ANKS1B: variants seen among roughly 807,000 people sequenced by gnomAD.
ANKS1B encodes ankyrin repeat and sterile alpha motif domain containing 1B.
ANKS1B carries 36 observed loss-of-function variants against 148.3 expected under a neutral mutation model. The ratio of observed to expected loss-of-function variants is 0.24; its 90% CI spans 0.19 to 0.32. The LOEUF is 0.32. Among genes scored for constraint, ANKS1B ranks in the 10% least tolerant of loss-of-function variants. The pLI, the probability that ANKS1B is intolerant of heterozygous loss-of-function variation, is 1.00. For synonymous variants in ANKS1B, 542 were observed against 560.8 expected (o/e 0.97, Z 0.47); for missense variants, 1,157 against 1,542.6 (o/e 0.75, Z 4.19).
At position 98,895,094 on chromosome 12, in the gene ANKS1B, G is replaced by C. The variant is rs563697871; in HGVS notation, c.2779-62958C>G. The C allele has an allele frequency of 9.1e-4, 883 of 971,648 alleles. 4 individuals are homozygous for C. In the African/African-American group the frequency reaches 0.011, roughly 13 times the overall value. 60.2% of individuals were successfully genotyped at this position (971,648 alleles called of 1,614,324 possible). On this transcript the variant is annotated intron_variant, in intron 17 of 26. Transcript: ENST00000683438. Reference sequence around the variant, plus strand: ...TGCTGCCCGGGGTGGGCGGCGAGGCGGGGGGGAGGTGTCGGCTTGGCCGCC... The same window carrying C: ...TGCTGCCCGGGGTGGGCGGCGAGGCCGGGGGGAGGTGTCGGCTTGGCCGCC...
rs181951147 is a variant in ANKS1B, at chr12:99,592,052, T to G, written c.1272+63015A>C. Reference sequence around the variant, plus strand: ...CAAATGTACTGAAAATTGGTTCACATTTCCAAAGAAACTCTGTGAATAAGT... The same window carrying G: ...CAAATGTACTGAAAATTGGTTCACAGTTCCAAAGAAACTCTGTGAATAAGT... On this transcript the variant is annotated intron_variant, in intron 9 of 26. Coordinates refer to ENST00000683438, the MANE Select transcript of ANKS1B (RefSeq NM_001352186.2). Among the ~76,000 whole-genome samples the G allele has an allele frequency of 5.9e-5, 9 of 152,306 alleles. No homozygotes were observed. In the East Asian group the frequency reaches 1.7e-3, roughly 29 times the overall value.
rs35287842 is a variant in ANKS1B, at chr12:99,950,113, A to ATTTTTTTTTTTTTTTTTT, written c.134+33973_134+33990dup. Among the ~76,000 whole-genome samples the ATTTTTTTTTTTTTTTTTT allele has an allele frequency of 1.8e-4, 16 of 90,544 alleles. 1 individual carries two copies. Among genetic ancestry groups the ATTTTTTTTTTTTTTTTTT allele is most frequent in the African/African-American group, 8.0e-4 (16 of 20,112 alleles). 59.4% of individuals were successfully genotyped at this position (90,544 alleles called of 152,430 possible). A position where few individuals can be genotyped will look rare whatever the true frequency, so the allele number is the denominator to read the frequency against. On this transcript the variant is annotated intron_variant, in intron 1 of 26. Transcript: ENST00000683438. ...AGGTGCACGCCATCATGCTCAGTTA[A>ATTTTTTTTTTTTTTTTTT]TTTTTTTTTTTTTTTTTTTTTTTTT...
chr12:99,478,558 T>C (rs2096362780), intron 10 of ANKS1B, among the ~76,000 whole-genome samples: 1 of 151,998 alleles, frequency 6.6e-6, no homozygotes, highest in Non-Finnish European at 1.5e-5. Context: ...CAACAGAAAG[T>C]TTTAAAGCCA....
chr12:99,366,551 T>C (rs980259670), intron 12 of ANKS1B, among the ~76,000 whole-genome samples: 1 of 152,118 alleles, frequency 6.6e-6, no homozygotes, highest in Non-Finnish European at 1.5e-5. Flanking sequence ...CCCAGGTATA[T>C]ATAGAAATTG....
intron 9 of ANKS1B, among the ~76,000 whole-genome samples, chr12:99,555,598 T>C (rs2097267819): frequency 6.6e-6 from 1 of 152,148 alleles, no homozygotes; most frequent in Non-Finnish European, 1.5e-5. Context: ...CTGTTATTAT[T>C]TTGAGGTATA....
chr12:99,022,783 C>T (rs536916961), intron 17 of ANKS1B, among the ~76,000 whole-genome samples: 44 of 152,144 alleles, frequency 2.9e-4, no homozygotes, highest in African/African-American at 1.1e-3. Context: ...AACTCCTGGG[C>T]TCAAGGGATC....
intron 9 of ANKS1B, among the ~76,000 whole-genome samples, chr12:99,590,357 C>A (rs1275651): frequency 0.2 from 30,011 of 151,608 alleles, 3,084 homozygotes; most frequent in South Asian, 0.27. Context: ...AGTTGCCGGT[C>A]TAATGGGGAA....
chr12:99,188,873 C>G (rs112129242), intron 14 of ANKS1B, among the ~76,000 whole-genome samples: 10,456 of 152,078 alleles, frequency 0.069, 1,163 homozygotes, highest in African/African-American at 0.23. Context: ...GACAGAGACA[C>G]GAAATACCCT....
intron 8 of ANKS1B, among the ~76,000 whole-genome samples, chr12:99,695,261 A>G (rs1228452288): frequency 6.6e-6 from 1 of 152,230 alleles, no homozygotes; most frequent in Non-Finnish European, 1.5e-5. Flanking sequence ...AGTGTTATGC[A>G]TGGCTAGATA....
rs35129903 is a variant in ANKS1B at position 98,852,022 on chromosome 12, C to CAAAAAAAAAAAAAAAAAAAAAAAAAAAAA, written c.2779-19887_2779-19886insTTTTTTTTTTTTTTTTTTTTTTTTTTTTT. On this transcript the variant is annotated intron_variant, in intron 17 of 26. Coordinates refer to ENST00000683438, the MANE Select transcript of ANKS1B (RefSeq NM_001352186.2). ...CTGGTGACAGAGCGAGACTCCATCT[C>CAAAAAAAAAAAAAAAAAAAAAAAAAAAAA]AAAAAAAAAAAAAAAAAAAAAAAAA... Among the ~76,000 whole-genome samples, 2 of 61,092 alleles carry CAAAAAAAAAAAAAAAAAAAAAAAAAAAAA rather than the reference C, an allele frequency of 3.3e-5. 1 individual carries two copies. The highest frequency in any genetic ancestry group is 5.4e-5 in the Non-Finnish European group (2 of 37,066). The allele number at this position is 61,092 out of a possible 152,430, so 40.1% of individuals were successfully genotyped here.
In ANKS1B at chr12:99,399,616, A is replaced by G; in HGVS notation, c.1756+15T>C. On this transcript the variant is annotated intron_variant, in intron 12 of 26. Transcript: ENST00000683438. ...TTAAAATAAAAATACAGCTGCATAA[A>G]GTGAACTGCTTTACCTGTATGGTTA... is the stretch of plus-strand genomic sequence containing the variant. 1.8e-5 allele frequency: 29 copies of G among 1,609,278 alleles called. No homozygotes were observed. Among genetic ancestry groups the G allele is most frequent in the Non-Finnish European group, 2.5e-5 (29 of 1,177,442 alleles).
At chr12:99,394,135 A>C (rs531988264) in intron 12 of ANKS1B, among the ~76,000 whole-genome samples, 2 of 152,244 alleles carry the variant, frequency 1.3e-5, no homozygotes, top group East Asian at 3.9e-4. Flanking sequence ...CAACTATTTC[A>C]CACTGTTCTC....
chr12:99,322,403 A>G (rs1301594344), intron 12 of ANKS1B, among the ~76,000 whole-genome samples: 1 of 151,714 alleles, frequency 6.6e-6, no homozygotes, highest in East Asian at 1.9e-4. Flanking sequence ...CAATAGGTGC[A>G]GCAAACCACC....
intron 17 of ANKS1B, among the ~76,000 whole-genome samples, chr12:99,002,997 C>T (rs1731900673): frequency 6.6e-6 from 1 of 152,114 alleles, no homozygotes; most frequent in African/African-American, 2.4e-5. Context: ...ATCTACTTGG[C>T]ATTGATTTTT....
At chr12:99,530,937 T>C (rs991537197) in intron 9 of ANKS1B, among the ~76,000 whole-genome samples, 2 of 152,224 alleles carry the variant, frequency 1.3e-5, no homozygotes, top group Non-Finnish European at 2.9e-5. Context: ...ACAAACCCTC[T>C]CTTCCCATAT....
chr12:99,481,546 G>A (rs1452933344), intron 10 of ANKS1B, among the ~76,000 whole-genome samples: 1 of 151,562 alleles, frequency 6.6e-6, no homozygotes, highest in Non-Finnish European at 1.5e-5. Context: ...CTTTTCCTTT[G>A]GGTAGACCTA....
chr12:99,910,490 T>C (rs979345125), intron 1 of ANKS1B, among the ~76,000 whole-genome samples: 6 of 152,164 alleles, frequency 3.9e-5, no homozygotes, highest in Admixed American at 6.5e-5. Flanking sequence ...ATATGAATTG[T>C]ACAGAATAGG....
chr12:98,976,963 T>C (rs2099897547), intron 17 of ANKS1B, among the ~76,000 whole-genome samples: 1 of 152,166 alleles, frequency 6.6e-6, no homozygotes, highest in Admixed American at 6.5e-5. Context: ...GGCTCCAAAG[T>C]CAAAACAAGG....
chr12:99,692,411 C>A (rs890876958), intron 8 of ANKS1B, among the ~76,000 whole-genome samples: 3 of 152,152 alleles, frequency 2.0e-5, no homozygotes, highest in African/African-American at 7.2e-5. Flanking sequence ...TGGCTCATGC[C>A]TGTAATCCCA....
Sources: allele counts gnomAD v4.1 joint callset (sites outside exome capture counted in the v4.1 genomes callset), GRCh38; gene constraint gnomAD v4.1.1; transcripts MANE v1.5; gene names NCBI Gene and HGNC (gene_info 2026-07-23, HGNC 2026-07-21).